Variants in MYCBP2 observed in about 807,000 individuals in gnomAD.
The protein encoded by MYCBP2 is MYC binding protein 2.
A neutral mutation model predicts 525.3 loss-of-function variants in MYCBP2; 120 were observed. The observed-to-expected ratio is 0.23, with a 90% CI of 0.20 to 0.27. The LOEUF is 0.27. Among genes scored for constraint, MYCBP2 ranks in the 10% least tolerant of loss-of-function variants. MYCBP2 has a pLI of 1.00. For synonymous variants in MYCBP2, 1,894 were observed against 1,955.8 expected, an observed-to-expected ratio of 0.97 and a Z score of 0.83; for missense variants, 4,149 against 5,657.1, an observed-to-expected ratio of 0.73 and a Z score of 8.55.
In MYCBP2 at chr13:77,251,353, A is replaced by T. The variant is rs1394764786; in HGVS notation, c.2179T>A (p.Phe727Ile). The stretch of plus-strand genomic sequence containing the variant: ...GCTGTTGCCATATTTTCAACTCCAA[A>T]CCCTATTTGACAGATCAATTTGTAA... ...TGAMNQGGKG[F>I]GVENMATAMD... The change falls in exon 15 of 83, where the codon TTT becomes ATT. Residue 727 changes from phenylalanine to isoleucine, a missense_variant and splice_region_variant. Phe to Ile is a conservative substitution (Grantham distance 21). This residue lies in a region of MYCBP2 where 620 missense variants were observed against 795.5 expected (regional missense o/e 0.78). Coordinates refer to ENST00000544440, the MANE Select transcript of MYCBP2 (RefSeq NM_015057.5). 5 of 1,613,208 alleles carry T rather than the reference A, an allele frequency of 3.1e-6. No homozygotes were observed. Among genetic ancestry groups the T allele is most frequent in the Non-Finnish European group, 4.2e-6 (5 of 1,179,572 alleles).
intron 82 of MYCBP2, among the ~76,000 whole-genome samples, chr13:77,047,331 T>C (rs2035775029): frequency 6.6e-6 from 1 of 152,194 alleles, no homozygotes; most frequent in Admixed American, 6.5e-5. Context: ...TACCTCATCT[T>C]TAAAATAGAC....
rs1466585160 is a variant in MYCBP2, at chr13:77,250,210, G to A, written c.2381+941C>T. ...TGCACTCCAGCCTGGGCGACAGAGCGAGACTCCGTCTCAAAAAAAAAAAAA... is the reference window on the plus strand; with the variant it reads ...TGCACTCCAGCCTGGGCGACAGAGCAAGACTCCGTCTCAAAAAAAAAAAAA... On this transcript the variant is annotated intron_variant, in intron 15 of 82. Coordinates refer to ENST00000544440, the MANE Select transcript of MYCBP2 (RefSeq NM_015057.5). Among the ~76,000 whole-genome samples, 9 of 133,986 alleles carry A rather than the reference G, an allele frequency of 6.7e-5. No individual in the cohort carries two copies. The South Asian group carries it at 7.2e-4, about 11-fold the overall frequency. The allele number at this position is 133,986 out of a possible 152,430, so 87.9% of individuals were successfully genotyped here.
At chr13:77,244,692 G>A (rs1033919408) in intron 15 of MYCBP2, among the ~76,000 whole-genome samples, 2 of 152,182 alleles carry the variant, frequency 1.3e-5, no homozygotes, top group Admixed American at 6.5e-5. Flanking sequence ...AAGAGCTTCT[G>A]CACAGCAAAA....
At chr13:77,201,409 T>C (rs566516986) in intron 26 of MYCBP2, among the ~76,000 whole-genome samples, 1 of 151,808 alleles carries the variant, frequency 6.6e-6, no homozygotes, top group African/African-American at 2.4e-5. Context: ...CTGAGTGACC[T>C]ACAAAGAGAC....
At chr13:77,206,279 G>A (rs1021847223) in intron 24 of MYCBP2, among the ~76,000 whole-genome samples, 2 of 150,784 alleles carry the variant, frequency 1.3e-5, no homozygotes, top group Non-Finnish European at 3.0e-5. Flanking sequence ...AGAAGAAACA[G>A]AAGATGTATA....
At chr13:77,319,317 G>GGTTA (rs936520449) in intron 1 of MYCBP2, among the ~76,000 whole-genome samples, 18 of 152,062 alleles carry the variant, frequency 1.2e-4, no homozygotes, top group African/African-American at 4.3e-4. Context: ...AGGCCCAGAG[G>GGTTA]GTTAAGAGGA....
At chr13:77,164,410 AAAC>A (rs779017331) in intron 43 of MYCBP2, 41 bp downstream of exon 43, 36 of 1,347,904 alleles carry the variant, frequency 2.7e-5, no homozygotes, top group Non-Finnish European at 3.5e-5. Flanking sequence ...ATACAAAACA[AAAC>A]AAAACCCTAT....
intron 57 of MYCBP2, 97 bp downstream of exon 57, chr13:77,096,215 C>T (rs1400765554): frequency 2.5e-6 from 3 of 1,199,770 alleles, no homozygotes; most frequent in African/African-American, 3.1e-5. Context: ...TTAATATCAA[C>T]TATGTGGAAT....
rs377188860 is a variant in MYCBP2 at position 77,180,145 on chromosome 13, C to T, written c.5115G>A (p.Ala1705=). Residue 1705 remains alanine, a synonymous_variant, in exon 34 of 83, where the codon GCG becomes GCA. Transcript: ENST00000544440. ...LLASIVSELT[A]SALGSEVDGL... ...GTATTACCTCAGATCCCAGGGCTGA[C>T]GCTGTCAGTTCACTGACAATGCTGG... The T allele has an allele frequency of 2.4e-5, 38 of 1,613,674 alleles. No homozygotes were observed. Among genetic ancestry groups the T allele is most frequent in the Middle Eastern group, 3.3e-4 (2 of 6,052 alleles).
At chr13:77,294,129 T>C (rs9565335) in intron 2 of MYCBP2, among the ~76,000 whole-genome samples, 34 of 26,134 alleles carry the variant, frequency 1.3e-3, no homozygotes, top group Admixed American at 6.1e-3. Flanking sequence ...TATATATATA[T>C]ACATATATAT....
At chr13:77,129,414 T>TA (rs1374807578) in intron 52 of MYCBP2, 2 of 369,098 alleles carry the variant, frequency 5.4e-6, no homozygotes, top group African/African-American at 2.1e-5. Context: ...TTCTGTCTGA[T>TA]AAGTAAGTTT....
Position 77,081,711 on chromosome 13 carries a change from A to C in MYCBP2, c.11194-60T>G. ...AAAAGCAAATCTTTCGTGATGATAAAACAAACAGGTATAAGATAAAACATA... is the reference window on the plus strand; with the variant it reads ...AAAAGCAAATCTTTCGTGATGATAACACAAACAGGTATAAGATAAAACATA... On this transcript the variant is annotated intron_variant, in intron 64 of 82. Coordinates refer to ENST00000544440, the MANE Select transcript of MYCBP2 (RefSeq NM_015057.5). The surrounding 1 kb of genome is among the most constrained non-coding windows in gnomAD (Gnocchi z 4.6). 6.5e-7 allele frequency: 1 copy of C among 1,539,296 alleles called. No individual in the cohort carries two copies. Among genetic ancestry groups the C allele is most frequent in the Non-Finnish European group, 8.8e-7 (1 of 1,139,592 alleles).
intron 16 of MYCBP2, 108 bp from the exon 17 acceptor site, chr13:77,243,268 T>C: frequency 1.2e-6 from 1 of 828,390 alleles, no homozygotes; most frequent in Non-Finnish European, 2.0e-6. Flanking sequence ...AAACATTGTC[T>C]AAAACACACA....
intron 8 of MYCBP2, among the ~76,000 whole-genome samples, chr13:77,266,260 T>C (rs1399873329): frequency 6.6e-6 from 1 of 152,156 alleles, no homozygotes; most frequent in African/African-American, 2.4e-5. Flanking sequence ...TATCCTAAAA[T>C]GACTGGCACA....
chr13:77,178,850 T>C (rs931449864), intron 34 of MYCBP2, among the ~76,000 whole-genome samples: 2 of 151,764 alleles, frequency 1.3e-5, no homozygotes, highest in African/African-American at 4.8e-5. Flanking sequence ...AACTCTTTAG[T>C]AAACTTTGGA....
chr13:77,149,858 A>G (rs2056195389), intron 47 of MYCBP2, among the ~76,000 whole-genome samples: 1 of 152,186 alleles, frequency 6.6e-6, no homozygotes, highest in Admixed American at 6.5e-5. Flanking sequence ...ACTGATCAGC[A>G]TATCTCACCA....
At chr13:77,152,580 T>C (rs1335508205) in intron 46 of MYCBP2, among the ~76,000 whole-genome samples, 2 of 152,116 alleles carry the variant, frequency 1.3e-5, no homozygotes, top group African/African-American at 2.4e-5. Flanking sequence ...AGACTTCAGC[T>C]AGCAAAGAGA....
At chr13:77,280,239 A>G (rs539905828) in intron 3 of MYCBP2, among the ~76,000 whole-genome samples, 29 of 152,344 alleles carry the variant, frequency 1.9e-4, no homozygotes, top group South Asian at 2.1e-4. Context: ...TGGAGAAGTT[A>G]TCTAAAATGC....
At chr13:77,209,880 G>C (rs965017934) in intron 23 of MYCBP2, among the ~76,000 whole-genome samples, 1 of 152,196 alleles carries the variant, frequency 6.6e-6, no homozygotes, top group South Asian at 2.1e-4. Flanking sequence ...TTACCAAGGA[G>C]TTGGCAAGAC....
Sources: allele counts gnomAD v4.1 joint callset (sites outside exome capture counted in the v4.1 genomes callset), GRCh38; gene constraint gnomAD v4.1.1; regional missense constraint gnomAD v4.1.1; non-coding constraint Gnocchi (gnomAD v3.1); transcripts MANE v1.5; gene names NCBI Gene and HGNC (gene_info 2026-07-23, HGNC 2026-07-21).